The following CAMTA1 variants were observed in gnomAD, a reference collection of about 807,000 sequenced individuals.
CAMTA1 encodes calmodulin-binding transcription activator 1.
CAMTA1 carries 27 observed loss-of-function variants against 170.9 expected under a neutral mutation model. The ratio of observed to expected loss-of-function variants is 0.16; its 90% CI spans 0.12 to 0.22. The LOEUF is 0.22. CAMTA1 is among the 10% of genes least tolerant of loss of function. CAMTA1 has a pLI of 1.00. For synonymous variants in CAMTA1, 833 were observed against 891.5 expected (o/e 0.93, Z 1.17); for missense variants, 1,619 against 2,217.2 (o/e 0.73, Z 5.42).
chr1:7,026,119 TAAA>T (rs142217266), intron 3 of CAMTA1, among the ~76,000 whole-genome samples: 2 of 136,828 alleles, frequency 1.5e-5, no homozygotes, highest in Non-Finnish European at 3.2e-5. Flanking sequence ...GACCCTGCCT[TAAA>T]AAAAAAAAAA....
At chr1:7,054,458 T>G (rs1318927830) in intron 3 of CAMTA1, among the ~76,000 whole-genome samples, 6 of 152,254 alleles carry the variant, frequency 3.9e-5, no homozygotes, top group Non-Finnish European at 7.3e-5. Flanking sequence ...CTTTCATTTT[T>G]GCATGGCTCA....
rs541257019 is a variant in CAMTA1 at position 7,674,211 on chromosome 1, G to T, written c.2779+3174G>T. Among the ~76,000 whole-genome samples, 7 of 152,196 alleles carry T rather than the reference G, an allele frequency of 4.6e-5. No individual in the cohort carries two copies. Among genetic ancestry groups the T allele is most frequent in the Non-Finnish European group, 4.4e-5 (3 of 68,040 alleles). ...AAGCAAAACAGATGAGCAGGGTCCT[G>T]CCCTGGCAGCTCCCACACCGTCACA... On this transcript the variant is annotated intron_variant, in intron 10 of 22. Coordinates refer to ENST00000303635, the MANE Select transcript of CAMTA1 (RefSeq NM_015215.4). This position sits in a 1 kb window ranked among gnomAD's most constrained non-coding sequence, Gnocchi z 4.1.
At chr1:6,931,739 A>G (rs1479756732) in intron 3 of CAMTA1, among the ~76,000 whole-genome samples, 1 of 152,248 alleles carries the variant, frequency 6.6e-6, no homozygotes, top group African/African-American at 2.4e-5. Flanking sequence ...AGATGTGCAC[A>G]TTAATGGCCA....
At chr1:6,999,566 A>G (rs1002430326) in intron 3 of CAMTA1, among the ~76,000 whole-genome samples, 1 of 152,116 alleles carries the variant, frequency 6.6e-6, no homozygotes, top group African/African-American at 2.4e-5. Flanking sequence ...GTGTTTTTGT[A>G]GAGACGGGGC....
In CAMTA1 at chr1:7,044,895, A is replaced by T. The variant is rs982109698; in HGVS notation, c.235-46409A>T. 5.6e-5 allele frequency among the ~76,000 whole-genome samples: 2 copies of T among 35,406 alleles called. No individual in the cohort carries two copies. Among genetic ancestry groups the T allele is most frequent in the East Asian group, 8.9e-4 (2 of 2,258 alleles). The allele number at this position is 35,406 out of a possible 152,430, so 23.2% of individuals were successfully genotyped here. A position where few individuals can be genotyped will look rare whatever the true frequency, so the allele number is the denominator to read the frequency against. Reference sequence around the variant, plus strand: ...TCCCCATTAACATCCCGCCATTTTGATTAAAAAAAAAAATCCCCCAAAATA... The same window carrying T: ...TCCCCATTAACATCCCGCCATTTTGTTTAAAAAAAAAAATCCCCCAAAATA... On this transcript the variant is annotated intron_variant, in intron 3 of 22. Transcript: ENST00000303635. This position sits in a 1 kb window ranked among gnomAD's most constrained non-coding sequence, Gnocchi z 5.0.
intron 5 of CAMTA1, among the ~76,000 whole-genome samples, chr1:7,374,065 C>T (rs899050950): frequency 6.6e-6 from 1 of 152,224 alleles, no homozygotes; most frequent in Admixed American, 6.5e-5. Context: ...GCCTCCCCGC[C>T]TCACTGGCAA....
At chr1:7,004,233 T>C (rs1315210866) in intron 3 of CAMTA1, among the ~76,000 whole-genome samples, 1 of 152,262 alleles carries the variant, frequency 6.6e-6, no homozygotes, top group African/African-American at 2.4e-5. Flanking sequence ...GCCAGTGTTA[T>C]TGTTTTTTCT....
intron 6 of CAMTA1, among the ~76,000 whole-genome samples, chr1:7,504,535 C>G (rs2094068365): frequency 2.0e-5 from 3 of 152,248 alleles, no homozygotes; most frequent in Admixed American, 2.0e-4. Context: ...CCTGGTCTTT[C>G]TGCCAACTGA....
At chr1:7,399,556 T>C (rs1331195816) in intron 5 of CAMTA1, among the ~76,000 whole-genome samples, 1 of 152,230 alleles carries the variant, frequency 6.6e-6, no homozygotes, top group Non-Finnish European at 1.5e-5. Context: ...TGATAACAAA[T>C]TTATCTGCAC....
chr1:7,618,366 T>G (rs2095574137), intron 6 of CAMTA1, among the ~76,000 whole-genome samples: 2 of 152,212 alleles, frequency 1.3e-5, no homozygotes, highest in South Asian at 4.1e-4. Context: ...CTTTCTAGGA[T>G]CGGGAGGCCC....
rs959364667 is a variant in CAMTA1, at chr1:6,785,588, G to A, written c.45+13G>A. On this transcript the variant is annotated intron_variant, in intron 1 of 22. Transcript: ENST00000303635. ...AACAAGCCGGAAGGTAAGAGCCGGA[G>A]CGCGAGGGGCTGGGGGGCGGCGCGG... The A allele has an allele frequency of 2.9e-6, 3 of 1,043,760 alleles. No individual in the cohort carries two copies. The highest frequency in any genetic ancestry group is 3.5e-5 in the African/African-American group (2 of 56,940). The allele number at this position is 1,043,760 out of a possible 1,614,324, so 64.7% of individuals were successfully genotyped here. A position where few individuals can be genotyped will look rare whatever the true frequency, so the allele number is the denominator to read the frequency against.
rs1231948796 is a variant in CAMTA1 at position 6,819,188 on chromosome 1, AAT to A, written c.46-990_46-989del. 4.6e-5 allele frequency among the ~76,000 whole-genome samples: 7 copies of A among 152,302 alleles called. No homozygotes were observed. In the South Asian group the frequency reaches 1.4e-3, roughly 32 times the overall value. On this transcript the variant is annotated intron_variant, in intron 1 of 22. Coordinates refer to ENST00000303635, the MANE Select transcript of CAMTA1 (RefSeq NM_015215.4). Reference sequence around the variant, plus strand: ...CTATCTTTGGTTTTCTAAGTGTATAAATATGTGGTTTATAATGTAGGATGAAT... The same window carrying A: ...CTATCTTTGGTTTTCTAAGTGTATAAATGTGGTTTATAATGTAGGATGAAT...
chr1:7,235,192 A>C (rs1312814713), intron 4 of CAMTA1, among the ~76,000 whole-genome samples: 1 of 152,078 alleles, frequency 6.6e-6, no homozygotes, highest in Non-Finnish European at 1.5e-5. Flanking sequence ...GATGGAATCT[A>C]GGTGTGTCCC....
rs1041775245 is a variant in CAMTA1 at position 7,507,820 on chromosome 1, G to A, written c.510+39919G>A. Among the ~76,000 whole-genome samples, 6 of 152,298 alleles carry A rather than the reference G, an allele frequency of 3.9e-5. No individual in the cohort carries two copies. The East Asian group carries it at 7.8e-4, about 20-fold the overall frequency. ...TGAGCGGGCAGCCTCTGCCACCTGC[G>A]CCAGCCTCCTAACAAGCCTCCACCC... On this transcript the variant is annotated intron_variant, in intron 6 of 22. Transcript: ENST00000303635.
At chr1:7,671,299 A>G (rs1440506700) in intron 10 of CAMTA1, among the ~76,000 whole-genome samples, 1 of 152,242 alleles carries the variant, frequency 6.6e-6, no homozygotes, top group Non-Finnish European at 1.5e-5. Flanking sequence ...TAGGGCAGGA[A>G]TAAGCCAGGC....
At chr1:7,032,843 TG>T (rs201862742) in intron 3 of CAMTA1, among the ~76,000 whole-genome samples, 42 of 152,134 alleles carry the variant, frequency 2.8e-4, no homozygotes, top group Admixed American at 7.2e-4. Context: ...TGATAGTTTT[TG>T]TTTTTTCTCT....
Position 7,044,564 on chromosome 1 carries a change from G to C in CAMTA1, c.235-46740G>C, listed in dbSNP as rs1356341498. On this transcript the variant is annotated intron_variant, in intron 3 of 22. Coordinates refer to ENST00000303635, the MANE Select transcript of CAMTA1 (RefSeq NM_015215.4). This position sits in a 1 kb window ranked among gnomAD's most constrained non-coding sequence, Gnocchi z 5.0. ...AGGCACATGCGTGATTAGCAGATGGGTGATGGGGCCTCTAGCGGGCAGATT... is the reference window on the plus strand; with the variant it reads ...AGGCACATGCGTGATTAGCAGATGGCTGATGGGGCCTCTAGCGGGCAGATT... Among the ~76,000 whole-genome samples the C allele has an allele frequency of 1.3e-5, 2 of 152,200 alleles. No individual in the cohort carries two copies. Among genetic ancestry groups the C allele is most frequent in the Non-Finnish European group, 2.9e-5 (2 of 68,024 alleles).
intron 6 of CAMTA1, among the ~76,000 whole-genome samples, chr1:7,470,314 G>A (rs183710659): frequency 3.3e-5 from 5 of 152,244 alleles, no homozygotes; most frequent in South Asian, 2.1e-4. Context: ...TGTGGCAGCC[G>A]GTGCCGCTCA....
At chr1:7,530,832 T>C (rs2094484184) in intron 6 of CAMTA1, among the ~76,000 whole-genome samples, 1 of 149,220 alleles carries the variant, frequency 6.7e-6, no homozygotes, top group Non-Finnish European at 1.5e-5. Context: ...TTTTTTTTTT[T>C]GAGACTGAGT....
Sources: allele counts gnomAD v4.1 joint callset (sites outside exome capture counted in the v4.1 genomes callset), GRCh38; gene constraint gnomAD v4.1.1; non-coding constraint Gnocchi (gnomAD v3.1); transcripts MANE v1.5; gene names NCBI Gene and HGNC (gene_info 2026-07-23, HGNC 2026-07-21).